FHAD1: variants seen among roughly 807,000 people sequenced by gnomAD.
FHAD1 encodes the protein forkhead-associated domain-containing protein 1.
A neutral mutation model predicts 191.3 loss-of-function variants in FHAD1; 146 were observed. That is an observed-to-expected ratio of 0.76 (90% CI 0.67 to 0.88). The LOEUF (loss-of-function observed/expected upper bound fraction) is 0.88, where lower values mean the gene tolerates loss of function less well. Among genes scored for constraint, FHAD1 ranks in the 40% least tolerant of loss-of-function variants. FHAD1 has a pLI of 0.00. For missense variants in FHAD1, 1,635 were observed against 1,785.8 expected, an observed-to-expected ratio of 0.92 and a Z score of 1.52; for synonymous variants, 616 against 672.3, an observed-to-expected ratio of 0.92 and a Z score of 1.29.
intron 28 of FHAD1, among the ~76,000 whole-genome samples, chr1:15,377,519 G>A (rs562721966): frequency 2.0e-4 from 31 of 152,300 alleles, no homozygotes; most frequent in Middle Eastern, 3.4e-3. Context: ...TCAATCTTCC[G>A]ACACAACACT....
intron 10 of FHAD1, among the ~76,000 whole-genome samples, chr1:15,319,012 T>C (rs1313180584): frequency 6.6e-6 from 1 of 152,056 alleles, no homozygotes; most frequent in African/African-American, 2.4e-5. Context: ...TTTTAATAAA[T>C]AAAGACAGAG....
chr1:15,329,624 G>A lies in FHAD1; in HGVS notation c.1906+83G>A. The A allele has an allele frequency of 1.5e-6, 2 of 1,330,662 alleles. No individual in the cohort carries two copies. Among genetic ancestry groups the A allele is most frequent in the Non-Finnish European group, 2.1e-6 (2 of 952,676 alleles). The allele number at this position is 1,330,662 out of a possible 1,614,324, so 82.4% of individuals were successfully genotyped here. On this transcript the variant is annotated intron_variant, in intron 14 of 33. Coordinates refer to ENST00000688493, the MANE Select transcript of FHAD1 (RefSeq NM_001391957.1). This position sits in a 1 kb window ranked among gnomAD's most constrained non-coding sequence, Gnocchi z 5.0. Reference sequence around the variant, plus strand: ...TCAGCATGATGGGACATCTGTTGAGGAAGTCTTCCTGGGTATCTGGCCAAG... The same window carrying A: ...TCAGCATGATGGGACATCTGTTGAGAAAGTCTTCCTGGGTATCTGGCCAAG...
intron 8 of FHAD1, among the ~76,000 whole-genome samples, chr1:15,314,867 T>C (rs1321148913): frequency 1.9e-5 from 2 of 103,082 alleles, no homozygotes; most frequent in Non-Finnish European, 4.0e-5. Context: ...GATGTGTGGG[T>C]GTGGTGTGGT....
At chr1:15,361,116 A>G (rs1570225365) in intron 22 of FHAD1, among the ~76,000 whole-genome samples, 1 of 152,344 alleles carries the variant, frequency 6.6e-6, no homozygotes, top group Admixed American at 6.5e-5. Flanking sequence ...CCCTTAAAAA[A>G]TTAACCCTAA....
intron 15 of FHAD1, among the ~76,000 whole-genome samples, chr1:15,341,185 AAAAAC>A (rs914869528): frequency 6.6e-6 from 1 of 152,186 alleles, no homozygotes; most frequent in Non-Finnish European, 1.5e-5. Flanking sequence ...CCATCTCAAA[AAAAAC>A]AAAACAAAAC....
At chr1:15,245,887 A>G (rs563356552), upstream of FHAD1, among the ~76,000 whole-genome samples, 1 of 152,296 alleles carries the variant, frequency 6.6e-6, no homozygotes, top group East Asian at 1.9e-4. Context: ...GGCACGTTTG[A>G]GCATCTTCAC....
At chr1:15,369,609 G>T in intron 26 of FHAD1, 107 bp downstream of exon 26, 1 of 1,298,116 alleles carries the variant, frequency 7.7e-7, no homozygotes, top group Non-Finnish European at 1.1e-6. Context: ...CAAAAGTATG[G>T]CTTGCTGGTG....
intron 14 of FHAD1, among the ~76,000 whole-genome samples, chr1:15,337,658 C>T (rs1282324085): frequency 6.6e-6 from 1 of 152,120 alleles, no homozygotes; most frequent in Non-Finnish European, 1.5e-5. Flanking sequence ...AAAGACTTGA[C>T]AATATCAGCA....
intron 14 of FHAD1, 134 bp from the exon 15 acceptor site, chr1:15,339,347 A>G (rs1212869935): frequency 2.6e-6 from 1 of 379,436 alleles, no homozygotes; most frequent in African/African-American, 2.1e-5. Flanking sequence ...GCTGCTTATC[A>G]ACTACTTTAA....
At chr1:15,371,017 G>A (rs1697926955) in intron 26 of FHAD1, among the ~76,000 whole-genome samples, 1 of 152,172 alleles carries the variant, frequency 6.6e-6, no homozygotes, top group Non-Finnish European at 1.5e-5. Context: ...TTGCTGTCCA[G>A]AGCACTTTAA....
At chr1:15,353,669 C>G (rs986744843) in intron 20 of FHAD1, among the ~76,000 whole-genome samples, 1 of 130,902 alleles carries the variant, frequency 7.6e-6, no homozygotes, top group Non-Finnish European at 1.5e-5. Context: ...TGCCCCATTG[C>G]ACTCCAGCCT....
chr1:15,328,281 T>C lies in FHAD1; in HGVS notation c.1562T>C (p.Ile521Thr), dbSNP rs1171482323. The C allele has an allele frequency of 6.2e-6, 9 of 1,445,340 alleles. No individual in the cohort carries two copies. The highest frequency in any genetic ancestry group is 2.7e-5 in the East Asian group (1 of 36,834). The allele number at this position is 1,445,340 out of a possible 1,614,324, so 89.5% of individuals were successfully genotyped here. A position where few individuals can be genotyped will look rare whatever the true frequency, so the allele number is the denominator to read the frequency against. ...CCTTTTTCTTTTTCTCACCAGTTAA[T>C]AGAGAAAATTACCCAGGTCACTGAG... is the stretch of plus-strand genomic sequence containing the variant. Reference protein sequence around the residue: ...RDKPVTDQQLIEKITQVTEDN... With the variant: ...RDKPVTDQQLTEKITQVTEDN... Residue 521 changes from isoleucine (I) to threonine (T), a missense_variant, in exon 13 of 34, where the codon ATA (isoleucine) becomes ACA (threonine). By Grantham distance (89) the Ile-to-Thr change is moderately conservative. Transcript: ENST00000688493.
chr1:15,392,913 T>C (rs1398048680), intron 33 of FHAD1, among the ~76,000 whole-genome samples: 5 of 152,026 alleles, frequency 3.3e-5, no homozygotes, highest in Non-Finnish European at 7.4e-5. Flanking sequence ...TGCTAAGCAC[T>C]GGGGAGAGAA....
upstream of FHAD1, among the ~76,000 whole-genome samples, chr1:15,245,677 T>G (rs1645935027): frequency 6.6e-6 from 1 of 152,200 alleles, no homozygotes. Flanking sequence ...AGGAAACTGA[T>G]CCAGGCAGAA....
chr1:15,292,140 TTTC>T (rs1336707727), intron 4 of FHAD1, among the ~76,000 whole-genome samples: 2 of 144,996 alleles, frequency 1.4e-5, no homozygotes, highest in Non-Finnish European at 2.9e-5. Flanking sequence ...CCTTCCTTCT[TTTC>T]TTTTCTTTTT....
At chr1:15,272,728 C>G (rs1220854294) in intron 3 of FHAD1, among the ~76,000 whole-genome samples, 199 bp downstream of exon 3, 1 of 152,214 alleles carries the variant, frequency 6.6e-6, no homozygotes, top group Non-Finnish European at 1.5e-5. Flanking sequence ...TCTTAGCACC[C>G]TCTTCTGGGC....
At position 15,398,021 on chromosome 1, in the gene FHAD1, C is replaced by T. The variant is rs1557483718; in HGVS notation, c.*608C>T. On this transcript the variant is annotated 3_prime_UTR_variant, in exon 34 of 34. Coordinates refer to ENST00000688493, the MANE Select transcript of FHAD1 (RefSeq NM_001391957.1). ...TGGCACATGCCTGTAGTCCCAGCTA[C>T]ACAGGAGGCTGAGGTGGGAGAATCA... is the stretch of plus-strand genomic sequence containing the variant. The T allele has an allele frequency of 6.6e-6, 1 of 151,942 alleles. No homozygotes were observed. Among genetic ancestry groups the T allele is most frequent in the Admixed American group, 6.6e-5 (1 of 15,246 alleles). The allele number at this position is 151,942 out of a possible 1,614,324, so 9.4% of individuals were successfully genotyped here. A position where few individuals can be genotyped will look rare whatever the true frequency, so the allele number is the denominator to read the frequency against.
intron 2 of FHAD1, among the ~76,000 whole-genome samples, chr1:15,268,248 T>C (rs954956364): frequency 7.3e-5 from 11 of 151,382 alleles, no homozygotes; most frequent in Non-Finnish European, 1.2e-4. Flanking sequence ...ATACGGTGTT[T>C]GGTTTTTTGT....
At chr1:15,356,302 A>T (rs183657890) in intron 20 of FHAD1, among the ~76,000 whole-genome samples, 19 of 152,332 alleles carry the variant, frequency 1.2e-4, no homozygotes, top group Admixed American at 1.2e-3. Context: ...TCACTTTGAT[A>T]GGCAGTTAAC....
Sources: allele counts gnomAD v4.1 joint callset (sites outside exome capture counted in the v4.1 genomes callset), GRCh38; gene constraint gnomAD v4.1.1; non-coding constraint Gnocchi (gnomAD v3.1); transcripts MANE v1.5; gene names NCBI Gene and HGNC (gene_info 2026-07-23, HGNC 2026-07-21).